The following ANK3 variants were observed in gnomAD, a reference collection of about 807,000 sequenced individuals.
ANK3 encodes the protein ankyrin-3.
A neutral mutation model predicts 370.9 loss-of-function variants in ANK3; 57 were observed. That is an observed-to-expected ratio of 0.15 (90% confidence interval 0.12 to 0.19). The LOEUF is 0.19. Ranked by LOEUF, ANK3 falls within the 10% of genes least tolerant of loss-of-function variation. The probability of loss-of-function intolerance (pLI) is 1.00; values close to 1 mark genes in which losing one functional copy is unlikely to be tolerated. For missense variants in ANK3, 4,439 were observed against 5,302.1 expected, an observed-to-expected ratio of 0.84 and a Z score of 5.06; for synonymous variants, 1,929 against 1,946.3, an observed-to-expected ratio of 0.99 and a Z score of 0.23.
Position 60,574,211 on chromosome 10 carries a change from C to T in ANK3, c.96+40975G>A, listed in dbSNP as rs61246219. On this transcript the variant is annotated intron_variant, in intron 2 of 43. Coordinates refer to the ANK3 transcript ENST00000373827. Reference sequence around the variant, plus strand: ...CTTCTCCTACACCTGAAACACCAGTCCCAGAGAAAGACATGAGTTAGAGGG... The same window carrying T: ...CTTCTCCTACACCTGAAACACCAGTTCCAGAGAAAGACATGAGTTAGAGGG... Among the ~76,000 whole-genome samples, 1,218 of 152,252 alleles carry T rather than the reference C, an allele frequency of 8.0e-3. 14 individuals carry two copies. Among genetic ancestry groups the T allele is most frequent in the African/African-American group, 0.028 (1,151 of 41,538 alleles).
intron 1 of ANK3, among the ~76,000 whole-genome samples, chr10:60,696,307 G>C (rs1474930965): frequency 6.7e-6 from 1 of 149,116 alleles, no homozygotes; most frequent in Non-Finnish European, 1.5e-5. Flanking sequence ...ATTCACAGCC[G>C]AATTCTACCA....
chr10:60,110,581 C>T (rs2092632802), intron 26 of ANK3, among the ~76,000 whole-genome samples: 1 of 152,134 alleles, frequency 6.6e-6, no homozygotes, highest in Non-Finnish European at 1.5e-5. Flanking sequence ...TTCACTTGTA[C>T]AAGTGTCGGG....
chr10:60,374,836 C>G (rs2060553010), intron 1 of ANK3, among the ~76,000 whole-genome samples: 1 of 152,006 alleles, frequency 6.6e-6, no homozygotes. Flanking sequence ...AAGTAATATG[C>G]TATAGATCCT....
chr10:60,655,205 TA>T (rs59141790), intron 1 of ANK3, among the ~76,000 whole-genome samples: 2,450 of 143,380 alleles, frequency 0.017, 42 homozygotes, highest in African/African-American at 0.052. Context: ...CCTATTTATT[TA>T]AAAAAAAAAA....
chr10:60,341,246 GGA>G (rs892587852), intron 1 of ANK3, among the ~76,000 whole-genome samples: 7 of 152,090 alleles, frequency 4.6e-5, no homozygotes, highest in Non-Finnish European at 1.0e-4. Context: ...AAGCCAGTAG[GGA>G]GAGTTTCTGA....
intron 2 of ANK3, among the ~76,000 whole-genome samples, chr10:60,405,278 T>G (rs966533278): frequency 6.6e-6 from 1 of 152,150 alleles, no homozygotes; most frequent in Admixed American, 6.5e-5. Context: ...AGATGTTAAT[T>G]AACAAGTGAA....
intron 8 of ANK3, among the ~76,000 whole-genome samples, chr10:60,231,014 A>C (rs1483895663): frequency 6.6e-6 from 1 of 152,218 alleles, no homozygotes; most frequent in Non-Finnish European, 1.5e-5. Context: ...TCTTAAAGTT[A>C]CAATTTCCAG....
chr10:60,523,010 G>C (rs1213907564), intron 2 of ANK3, among the ~76,000 whole-genome samples: 3 of 151,928 alleles, frequency 2.0e-5, no homozygotes, highest in African/African-American at 7.2e-5. Context: ...CTATGTTAAA[G>C]ATAATGAAAA....
chr10:60,182,922 TCTC>T (rs1213833896), intron 17 of ANK3, among the ~76,000 whole-genome samples: 5 of 152,216 alleles, frequency 3.3e-5, no homozygotes, highest in Non-Finnish European at 7.3e-5. Flanking sequence ...TGTTCCGTGT[TCTC>T]CTTCAGAGGA....
chr10:60,227,076 C>T lies in ANK3; in HGVS notation c.897+7612G>A, dbSNP rs557266044. On this transcript the variant is annotated intron_variant, in intron 8 of 43. Transcript: ENST00000280772. ...AAGAAATTTCTTCAGTATTTTAGTT[C>T]GTCTGGGCCTGATGGTAACAAAGTT... 4.6e-5 allele frequency among the ~76,000 whole-genome samples: 7 copies of T among 151,712 alleles called. No individual in the cohort carries two copies. In the East Asian group the frequency reaches 5.8e-4, roughly 13 times the overall value.
intron 2 of ANK3, among the ~76,000 whole-genome samples, chr10:60,442,818 T>C (rs557963179): frequency 4.6e-5 from 7 of 152,352 alleles, no homozygotes; most frequent in South Asian, 2.1e-4. Context: ...GCAGCAGTTG[T>C]TGTTATCCCC....
intron 2 of ANK3, among the ~76,000 whole-genome samples, chr10:60,574,493 T>C (rs2077658307): frequency 6.6e-6 from 1 of 152,212 alleles, no homozygotes; most frequent in Non-Finnish European, 1.5e-5. Context: ...ACAGTTTCCA[T>C]TTTCTGCCAC....
intron 1 of ANK3, among the ~76,000 whole-genome samples, chr10:60,667,495 T>C (rs2079013637): frequency 6.6e-6 from 1 of 151,852 alleles, no homozygotes; most frequent in Non-Finnish European, 1.5e-5. Flanking sequence ...AACCAAATGA[T>C]ATAAAAATTC....
intron 42 of ANK3, among the ~76,000 whole-genome samples, chr10:60,048,164 C>T (rs2077258052): frequency 6.6e-6 from 1 of 152,152 alleles, no homozygotes; most frequent in South Asian, 2.1e-4. Context: ...ACTTCCCAGC[C>T]AGAGCTAGCT....
chr10:60,070,113 C>T lies in ANK3; in HGVS notation c.10768G>A (p.Asp3590Asn). The change falls in exon 37 of 44, where the codon GAT becomes AAT. Residue 3590 changes from aspartate to asparagine, a missense_variant. Transcript: ENST00000280772. The surrounding 1 kb of genome is among the most constrained non-coding windows in gnomAD (Gnocchi z 5.7). ...GGCTCACTAGTTGGGGTACTTTCAT[C>T]AGTTGGCGTTCTGGCTGGCGTTGTA... Reference protein sequence around the residue: ...PDTTPARTPTDESTPTSEPNP... With the variant: ...PDTTPARTPTNESTPTSEPNP... 1 of 1,614,122 alleles carries T rather than the reference C, an allele frequency of 6.2e-7. No homozygotes were observed. Among genetic ancestry groups the T allele is most frequent in the Non-Finnish European group, 8.5e-7 (1 of 1,179,986 alleles).
At chr10:60,264,312 A>T in intron 5 of ANK3, among the ~76,000 whole-genome samples, 1 of 152,170 alleles carries the variant, frequency 6.6e-6, no homozygotes, top group East Asian at 1.9e-4. Context: ...CAAAAATACT[A>T]CATATAAAAG....
At chr10:60,606,131 A>G (rs2078125573) in intron 2 of ANK3, among the ~76,000 whole-genome samples, 1 of 152,186 alleles carries the variant, frequency 6.6e-6, no homozygotes, top group South Asian at 2.1e-4. Flanking sequence ...CAATTAGAAA[A>G]GGAACATACA....
intron 2 of ANK3, among the ~76,000 whole-genome samples, chr10:60,428,053 C>A (rs1389113077): frequency 6.6e-6 from 1 of 152,132 alleles, no homozygotes; most frequent in Non-Finnish European, 1.5e-5. Flanking sequence ...CAGTATCCTG[C>A]ACTTATCTTT....
chr10:60,621,089 C>G (rs775408723), intron 1 of ANK3, among the ~76,000 whole-genome samples: 3 of 152,202 alleles, frequency 2.0e-5, no homozygotes, highest in Non-Finnish European at 4.4e-5. Context: ...GCAATCTGCT[C>G]TACTGAAATA....
Sources: allele counts gnomAD v4.1 joint callset (sites outside exome capture counted in the v4.1 genomes callset), GRCh38; gene constraint gnomAD v4.1.1; non-coding constraint Gnocchi (gnomAD v3.1); transcripts MANE v1.5; gene names NCBI Gene and HGNC (gene_info 2026-07-23, HGNC 2026-07-21).